Variants in FTCDNL1 observed in about 807,000 individuals in gnomAD.
FTCDNL1 encodes formiminotransferase N-terminal subdomain-containing protein.
In FTCDNL1, 11 loss-of-function variants were observed where a neutral mutation model predicts 5.9. The ratio of observed to expected loss-of-function variants is 1.87; its 90% CI spans 1.18 to 3.10. FTCDNL1 has a LOEUF of 3.10. FTCDNL1 is among the 30% of genes most tolerant of loss of function. The pLI is 0.00. For synonymous variants in FTCDNL1, 58 were observed against 24.8 expected (o/e 2.34, Z -3.99); for missense variants, 115 against 65.5 (o/e 1.76, Z -2.61).
At chr2:199,770,280 A>G (rs914232589) in intron 3 of FTCDNL1, among the ~76,000 whole-genome samples, 3 of 152,338 alleles carry the variant, frequency 2.0e-5, no homozygotes, top group African/African-American at 7.2e-5. Flanking sequence ...AGCATGTCAC[A>G]GGATCACAGG....
At chr2:199,762,052 GA>G (rs952613003) in intron 3 of FTCDNL1, among the ~76,000 whole-genome samples, 2 of 150,524 alleles carry the variant, frequency 1.3e-5, no homozygotes, top group Non-Finnish European at 3.0e-5. Context: ...TAGCCGATGA[GA>G]AAAAAAAACA....
chr2:199,765,550 A>ATTTTTTTTTTTTTTTTT (rs1195071962), intron 3 of FTCDNL1, among the ~76,000 whole-genome samples: 1 of 52,978 alleles, frequency 1.9e-5, no homozygotes, highest in African/African-American at 4.6e-5. Context: ...ATATATATAT[A>ATTTTTTTTTTTTTTTTT]TATATATTTT....
intron 3 of FTCDNL1, among the ~76,000 whole-genome samples, chr2:199,777,286 C>T (rs1278820371): frequency 1.3e-5 from 2 of 151,778 alleles, no homozygotes; most frequent in African/African-American, 4.8e-5. Context: ...GAGCAAGACT[C>T]TGTCTCCAAA....
the FTCDNL1 span, among the ~76,000 whole-genome samples, chr2:199,722,688 C>T: frequency 1.3e-5 from 2 of 152,168 alleles, no homozygotes; most frequent in Non-Finnish European, 2.9e-5. Context: ...ATGGGACTAG[C>T]ATTGAATCTA....
chr2:199,774,438 A>T (rs1240086205), intron 3 of FTCDNL1, among the ~76,000 whole-genome samples: 3 of 151,712 alleles, frequency 2.0e-5, no homozygotes, highest in Non-Finnish European at 4.4e-5. Flanking sequence ...GTTGGAATTG[A>T]CTCTATTTGT....
chr2:199,734,856 G>A, the FTCDNL1 span, among the ~76,000 whole-genome samples: 3 of 152,160 alleles, frequency 2.0e-5, no homozygotes, highest in Non-Finnish European at 2.9e-5. Flanking sequence ...TCAGAGACAT[G>A]TAGATTAAAT....
At chr2:199,715,962 A>G in the FTCDNL1 span, among the ~76,000 whole-genome samples, 1 of 150,874 alleles carries the variant, frequency 6.6e-6, no homozygotes. Flanking sequence ...TTAGTCCTGA[A>G]TTACCCGGTA....
the FTCDNL1 span, among the ~76,000 whole-genome samples, chr2:199,698,122 C>T: frequency 1.3e-5 from 2 of 152,154 alleles, no homozygotes; most frequent in East Asian, 3.8e-4. Flanking sequence ...CTGCAGCACA[C>T]AGATTCATAA....
At chr2:199,843,944 G>T (rs1021714169) in intron 3 of FTCDNL1, among the ~76,000 whole-genome samples, 2 of 102,842 alleles carry the variant, frequency 1.9e-5, no homozygotes, top group Non-Finnish European at 4.4e-5. Flanking sequence ...TGTGCACAGG[G>T]AAAAAAGGAA....
the FTCDNL1 span, among the ~76,000 whole-genome samples, chr2:199,673,226 C>A: frequency 4.7e-5 from 7 of 149,656 alleles, no homozygotes; most frequent in Non-Finnish European, 1.0e-4. Flanking sequence ...TACTTGGGAG[C>A]CTGAGGCAGG....
chr2:199,734,239 G>A, the FTCDNL1 span, among the ~76,000 whole-genome samples: 1 of 152,162 alleles, frequency 6.6e-6, no homozygotes, highest in Non-Finnish European at 1.5e-5. Context: ...CAGCATTGCG[G>A]GTGGATGCTG....
chr2:199,677,809 C>T, the FTCDNL1 span, among the ~76,000 whole-genome samples: 2 of 152,314 alleles, frequency 1.3e-5, no homozygotes, highest in Admixed American at 6.5e-5. Flanking sequence ...TAAAACCAAT[C>T]GTTTCAACTC....
the FTCDNL1 span, among the ~76,000 whole-genome samples, chr2:199,701,864 G>A: frequency 5.5e-4 from 84 of 152,040 alleles, no homozygotes; most frequent in Non-Finnish European, 9.3e-4. Flanking sequence ...GCGAAACCCC[G>A]TCTCTACTAA....
At chr2:199,768,681 C>T (rs1698656793) in intron 3 of FTCDNL1, among the ~76,000 whole-genome samples, 2 of 152,106 alleles carry the variant, frequency 1.3e-5, no homozygotes, top group Admixed American at 6.5e-5. Context: ...CAAGAGAAGG[C>T]AAGTTCTAGA....
rs1314879961 is a variant in FTCDNL1, at chr2:199,851,103, G to A, written c.-371C>T. On this transcript the variant is annotated 5_prime_UTR_variant, in exon 1 of 5. Transcript: ENST00000420128. ...GCGCCGAAGGGCGGTGGGGCAGGGC[G>A]ACCGCCCAGCCCAAGTCGCCGCCGC... 4 of 149,520 alleles carry A rather than the reference G, an allele frequency of 2.7e-5. No homozygotes were observed. The highest frequency in any genetic ancestry group is 7.3e-5 in the African/African-American group (3 of 41,130). 9.3% of individuals were successfully genotyped at this position (149,520 alleles called of 1,614,324 possible).
At chr2:199,788,435 C>T (rs1699764638) in intron 3 of FTCDNL1, among the ~76,000 whole-genome samples, 1 of 152,022 alleles carries the variant, frequency 6.6e-6, no homozygotes, top group Non-Finnish European at 1.5e-5. Context: ...ATGATCTCGA[C>T]AACTTGGAAA....
the FTCDNL1 span, among the ~76,000 whole-genome samples, chr2:199,670,123 G>A: frequency 1.3e-5 from 2 of 152,138 alleles, no homozygotes; most frequent in African/African-American, 4.8e-5. Flanking sequence ...TATTCCTACT[G>A]TTTTCCTTTT....
chr2:199,719,369 C>T, the FTCDNL1 span, among the ~76,000 whole-genome samples: 2 of 152,016 alleles, frequency 1.3e-5, no homozygotes, highest in South Asian at 2.1e-4. Context: ...GCCTTATTTT[C>T]GGGTTCCTAT....
At chr2:199,724,440 G>A in the FTCDNL1 span, among the ~76,000 whole-genome samples, 1 of 152,056 alleles carries the variant, frequency 6.6e-6, no homozygotes, top group Admixed American at 6.5e-5. Context: ...GGGTCTGTTT[G>A]CTCTTGGTTC....
Sources: allele counts gnomAD v4.1 joint callset (sites outside exome capture counted in the v4.1 genomes callset), GRCh38; gene constraint gnomAD v4.1.1; transcripts MANE v1.5; gene names NCBI Gene and HGNC (gene_info 2026-07-23, HGNC 2026-07-21).